The following LRP8 variants were observed in gnomAD, a reference collection of about 807,000 sequenced individuals.
LRP8 encodes LDL receptor related protein 8, also known as low-density lipoprotein receptor-related protein 8.
LRP8 carries 46 observed loss-of-function variants against 111.6 expected under a neutral mutation model. The observed-to-expected ratio is 0.41, with a 90% confidence interval of 0.33 to 0.53. LRP8 has a LOEUF of 0.53. Ranked by LOEUF, LRP8 falls within the 20% of genes least tolerant of loss-of-function variation. The probability of loss-of-function intolerance (pLI) is 0.20; values close to 1 mark genes in which losing one functional copy is unlikely to be tolerated. For missense variants in LRP8, 959 were observed against 1,297.4 expected, an observed-to-expected ratio of 0.74 and a Z score of 4.01; for synonymous variants, 464 against 511.2, an observed-to-expected ratio of 0.91 and a Z score of 1.24.
At chr1:53,295,748 A>G (rs916260072) in intron 2 of LRP8, among the ~76,000 whole-genome samples, 5 of 152,166 alleles carry the variant, frequency 3.3e-5, no homozygotes, top group Non-Finnish European at 5.9e-5. Flanking sequence ...AAGATATCTG[A>G]TTGACGGTTT....
In LRP8 at chr1:53,276,863, A is replaced by C. The variant is rs1646938644; in HGVS notation, c.712T>G (p.Ser238Ala). ...CCGCAGAGCTCGGCTGCCTCGTCCGAGCGGTCCTCGCAGTCAAACTGGCGG... is the reference window on the plus strand; with the variant it reads ...CCGCAGAGCTCGGCTGCCTCGTCCGCGCGGTCCTCGCAGTCAAACTGGCGG... Reference protein sequence around the residue: ...CDRQFDCEDRSDEAAELCGRP... With the variant: ...CDRQFDCEDRADEAAELCGRP... The change falls in exon 5 of 19, where the codon TCG (serine) becomes GCG (alanine). Residue 238 changes from serine to alanine, a missense_variant. By Grantham distance (99) the Ser-to-Ala change is moderately conservative. Around this residue, in one of 3 missense-constraint regions of LRP8, gnomAD observed 819 missense variants for 1,097.6 expected, o/e 0.75. Transcript: ENST00000306052. The C allele has an allele frequency of 2.9e-6, 4 of 1,376,346 alleles. No individual in the cohort carries two copies. The highest frequency in any genetic ancestry group is 2.9e-5 in the South Asian group (2 of 69,960). The allele number at this position is 1,376,346 out of a possible 1,614,324, so 85.3% of individuals were successfully genotyped here.
Position 53,257,411 on chromosome 1 carries a change from G to A in LRP8, c.2263C>T (p.Pro755Ser), listed in dbSNP as rs775089548. ...GTCCCGGGGGCTCTTGTGGTGGCAGGTACTGTCCTCGTCATGGTAGAAGCT... is the reference window on the plus strand; with the variant it reads ...GTCCCGGGGGCTCTTGTGGTGGCAGATACTGTCCTCGTCATGGTAGAAGCT... ...TLASTMTRTV[P>S]ATTRAPGTTV... The change falls in exon 15 of 19, where the codon CCT becomes TCT. Residue 755 changes from proline to serine, a missense_variant. By Grantham distance (74) the Pro-to-Ser change is moderately conservative. Coordinates refer to ENST00000306052, the MANE Select transcript of LRP8 (RefSeq NM_004631.5). The A allele has an allele frequency of 3.7e-6, 6 of 1,614,046 alleles. No homozygotes were observed. Among genetic ancestry groups the A allele is most frequent in the Non-Finnish European group, 5.1e-6 (6 of 1,180,038 alleles).
At chr1:53,260,077 G>A (rs1261646148) in intron 13 of LRP8, among the ~76,000 whole-genome samples, 5 of 152,198 alleles carry the variant, frequency 3.3e-5, no homozygotes, top group Non-Finnish European at 7.3e-5. Flanking sequence ...CAAATAGCAA[G>A]TTAGATGCAG....
chr1:53,263,743 T>C (rs980824043), intron 10 of LRP8, among the ~76,000 whole-genome samples: 1 of 152,156 alleles, frequency 6.6e-6, no homozygotes, highest in Non-Finnish European at 1.5e-5. Context: ...GGAGATAGAT[T>C]TGGCATTATG....
At chr1:53,306,320 C>A (rs1451810282) in intron 2 of LRP8, 1 of 152,314 alleles carries the variant, frequency 6.6e-6, no homozygotes, top group Non-Finnish European at 1.5e-5. Flanking sequence ...TTCAGATCCT[C>A]CATTCATGCA....
intron 15 of LRP8, among the ~76,000 whole-genome samples, chr1:53,256,637 A>C (rs970101974): frequency 6.6e-6 from 1 of 152,258 alleles, no homozygotes; most frequent in Non-Finnish European, 1.5e-5. Flanking sequence ...CAGGTAACTC[A>C]ATTAAAAAGG....
chr1:53,276,262 A>G (rs1038910466), intron 5 of LRP8, among the ~76,000 whole-genome samples: 3 of 152,104 alleles, frequency 2.0e-5, no homozygotes, highest in African/African-American at 4.8e-5. Context: ...GAGATGAGCT[A>G]TAAGAGAAAG....
At chr1:53,327,050 G>A (rs1377555614) in intron 1 of LRP8, 58 bp from the exon 2 acceptor site, 2 of 1,593,760 alleles carry the variant, frequency 1.3e-6, no homozygotes, top group Non-Finnish European at 1.7e-6. Flanking sequence ...TCCCCACCAT[G>A]CAGTCCGGGC....
chr1:53,274,954 A>C (rs1646872484), intron 6 of LRP8: 7 of 407,422 alleles, frequency 1.7e-5, no homozygotes, highest in South Asian at 1.1e-4. Context: ...CCCAGGACAG[A>C]CAGGTAAATC....
chr1:53,317,712 C>A lies in LRP8; in HGVS notation c.244+9161G>T, dbSNP rs191911906. Among the ~76,000 whole-genome samples the A allele has an allele frequency of 2.1e-3, 316 of 152,320 alleles. 4 individuals are homozygous for A. The highest frequency in any genetic ancestry group is 9.6e-4 in the East Asian group (5 of 5,184). ...CAAAGTACTTTCCTCAGCCCGCACA[C>A]CTCCGGAATATGGGCTCATTTTCCC... is the stretch of plus-strand genomic sequence containing the variant. On this transcript the variant is annotated intron_variant, in intron 2 of 18. Coordinates refer to ENST00000306052, the MANE Select transcript of LRP8 (RefSeq NM_004631.5). The surrounding 1 kb of genome is among the most constrained non-coding windows in gnomAD (Gnocchi z 4.9).
intron 8 of LRP8, chr1:53,267,522 G>C (rs1363303318): frequency 2.0e-5 from 3 of 152,152 alleles, no homozygotes; most frequent in Non-Finnish European, 4.4e-5. Flanking sequence ...CATAGCAAGA[G>C]ATGAGCTTCA....
chr1:53,293,196 C>T lies in LRP8; in HGVS notation c.245-3507G>A, dbSNP rs1215458096. Among the ~76,000 whole-genome samples, 1 of 152,266 alleles carries T rather than the reference C, an allele frequency of 6.6e-6. No homozygotes were observed. The highest frequency in any genetic ancestry group is 2.4e-5 in the African/African-American group (1 of 41,466). ...AGCCTGGGGGTGATCTTGTCCTCCT[C>T]CATGTGCCAAGCCCTGGCAGGCACT... On this transcript the variant is annotated intron_variant, in intron 2 of 18. Transcript: ENST00000306052. The surrounding 1 kb of genome is among the most constrained non-coding windows in gnomAD (Gnocchi z 4.9).
At chr1:53,265,940 G>A (rs1381621906) in intron 9 of LRP8, among the ~76,000 whole-genome samples, 1 of 152,242 alleles carries the variant, frequency 6.6e-6, no homozygotes, top group Non-Finnish European at 1.5e-5. Flanking sequence ...TCCACTGACT[G>A]TGGCGTCAAA....
intron 3 of LRP8, among the ~76,000 whole-genome samples, chr1:53,282,508 A>G (rs1647147058): frequency 6.6e-6 from 1 of 152,084 alleles, no homozygotes; most frequent in African/African-American, 2.4e-5. Flanking sequence ...GGGTACCTCT[A>G]TCACCAACAC....
At chr1:53,263,229 A>T (rs1646412053) in intron 10 of LRP8, among the ~76,000 whole-genome samples, 2 of 152,162 alleles carry the variant, frequency 1.3e-5, no homozygotes, top group African/African-American at 4.8e-5. Flanking sequence ...TGAGGGTAAG[A>T]GGAGAGGCTC....
chr1:53,325,715 C>T (rs1557878502), intron 2 of LRP8, among the ~76,000 whole-genome samples: 1 of 152,206 alleles, frequency 6.6e-6, no homozygotes, highest in Non-Finnish European at 1.5e-5. Context: ...GTCCCGTGAC[C>T]CTTCCTGTGC....
In LRP8 at chr1:53,264,228, G is replaced by A. The variant is rs1172114864; in HGVS notation, c.1596C>T (p.Arg532=). ...SVATVDGGRR[R]TLFSRNLSEP... The stretch of plus-strand genomic sequence containing the variant: ...CACTGAGGTTACGGCTGAAGAGAGT[G>A]CGTCGGCGGCCACCATCAACTGTGG... The change falls in exon 10 of 19, where the codon CGC becomes CGT. Residue 532 remains arginine (R), a synonymous_variant. Transcript: ENST00000306052. 1 of 1,614,134 alleles carries A rather than the reference G, an allele frequency of 6.2e-7. No individual in the cohort carries two copies. Among genetic ancestry groups the A allele is most frequent in the Non-Finnish European group, 8.5e-7 (1 of 1,180,014 alleles).
intron 2 of LRP8, among the ~76,000 whole-genome samples, chr1:53,315,017 G>A (rs1345731575): frequency 6.6e-6 from 1 of 152,174 alleles, no homozygotes; most frequent in African/African-American, 2.4e-5. Context: ...ACAGGCCTGT[G>A]TCCTGGCCAC....
In LRP8 at chr1:53,290,890, C is replaced by A. The variant is rs1288505; in HGVS notation, c.245-1201G>T. ...GGAAGGGGCCTTGAGCGCTCCACCC[C>A]TGACATCCTGCACCCTCTGTAGCAG... is the stretch of plus-strand genomic sequence containing the variant. On this transcript the variant is annotated intron_variant, in intron 2 of 18. Transcript: ENST00000306052. 4.5e-3 allele frequency among the ~76,000 whole-genome samples: 682 copies of A among 152,236 alleles called. 4 individuals carry two copies. Among genetic ancestry groups the A allele is most frequent in the African/African-American group, 0.015 (638 of 41,532 alleles).
Sources: allele counts gnomAD v4.1 joint callset (sites outside exome capture counted in the v4.1 genomes callset), GRCh38; gene constraint gnomAD v4.1.1; regional missense constraint gnomAD v4.1.1; non-coding constraint Gnocchi (gnomAD v3.1); transcripts MANE v1.5; gene names NCBI Gene and HGNC (gene_info 2026-07-23, HGNC 2026-07-21).